Variants in UNC5D observed in about 807,000 individuals in gnomAD.
UNC5D encodes unc-5 netrin receptor D.
Under a neutral mutation model 105.4 loss-of-function variants are expected in UNC5D, and 39 were observed. The ratio of observed to expected loss-of-function variants is 0.37; its 90% CI spans 0.29 to 0.48. UNC5D has a LOEUF of 0.48. UNC5D is among the 20% of genes least tolerant of loss of function. The pLI, the probability that UNC5D is intolerant of heterozygous loss-of-function variation, is 0.98. For missense variants in UNC5D, 991 were observed against 1,202.4 expected (o/e 0.82, Z 2.60); for synonymous variants, 452 against 450.4 (o/e 1.00, Z -0.04).
chr8:35,748,956 AC>A (rs1200716986), intron 12 of UNC5D, among the ~76,000 whole-genome samples: 1 of 152,120 alleles, frequency 6.6e-6, no homozygotes, highest in Non-Finnish European at 1.5e-5. Flanking sequence ...ATCTACACCT[AC>A]ATACCTGCTC....
chr8:35,370,690 T>C (rs916627492), intron 1 of UNC5D, among the ~76,000 whole-genome samples: 1 of 152,188 alleles, frequency 6.6e-6, no homozygotes, highest in Non-Finnish European at 1.5e-5. Context: ...ATGAAAACCA[T>C]GCTGAGGCCA....
At chr8:35,558,321 G>C (rs1023736113) in intron 2 of UNC5D, among the ~76,000 whole-genome samples, 12 of 151,820 alleles carry the variant, frequency 7.9e-5, no homozygotes, top group African/African-American at 2.9e-4. Flanking sequence ...TTATGGTAGG[G>C]GACCTGTGGC....
intron 3 of UNC5D, among the ~76,000 whole-genome samples, chr8:35,575,089 TCTAA>T (rs766520357): frequency 9.2e-5 from 14 of 152,132 alleles, no homozygotes; most frequent in Non-Finnish European, 2.1e-4. Flanking sequence ...ATTCTAAGTG[TCTAA>T]CTGAGTTTTC....
At chr8:35,271,474 T>A (rs1805327140) in intron 1 of UNC5D, among the ~76,000 whole-genome samples, 1 of 143,188 alleles carries the variant, frequency 7.0e-6, no homozygotes, top group African/African-American at 2.5e-5. Context: ...GGTATACCTA[T>A]ATTTATACAG....
intron 1 of UNC5D, among the ~76,000 whole-genome samples, chr8:35,314,292 G>A (rs1410272735): frequency 6.6e-6 from 1 of 152,154 alleles, no homozygotes; most frequent in African/African-American, 2.4e-5. Context: ...ACATGAGTTT[G>A]ATCAAGTGGA....
At chr8:35,785,720 C>T (rs1169228048) in intron 16 of UNC5D, among the ~76,000 whole-genome samples, 2 of 152,132 alleles carry the variant, frequency 1.3e-5, no homozygotes, top group Non-Finnish European at 2.9e-5. Flanking sequence ...AACACACTCA[C>T]CCGTCCAAAC....
intron 4 of UNC5D, among the ~76,000 whole-genome samples, chr8:35,638,021 C>T (rs930891769): frequency 6.6e-6 from 1 of 152,128 alleles, no homozygotes; most frequent in Non-Finnish European, 1.5e-5. Context: ...ACTGAAAAAG[C>T]CTGTGGTGTG....
intron 1 of UNC5D, among the ~76,000 whole-genome samples, chr8:35,353,500 A>G (rs1182287985): frequency 6.6e-6 from 1 of 152,208 alleles, no homozygotes; most frequent in Non-Finnish European, 1.5e-5. Context: ...TATTTAAACT[A>G]TGAACCCACA....
intron 1 of UNC5D, among the ~76,000 whole-genome samples, chr8:35,512,153 T>C (rs1812753247): frequency 6.6e-6 from 1 of 152,020 alleles, no homozygotes; most frequent in Non-Finnish European, 1.5e-5. Context: ...TATACTACAG[T>C]AAAACACATT....
At chr8:35,579,890 C>T (rs1457359240) in intron 3 of UNC5D, among the ~76,000 whole-genome samples, 1 of 152,176 alleles carries the variant, frequency 6.6e-6, no homozygotes, top group Non-Finnish European at 1.5e-5. Context: ...GAGCAAGAGT[C>T]AACTCAAGGA....
intron 1 of UNC5D, among the ~76,000 whole-genome samples, chr8:35,349,160 A>C (rs1209655104): frequency 6.6e-6 from 1 of 151,912 alleles, no homozygotes; most frequent in Non-Finnish European, 1.5e-5. Flanking sequence ...TTGACAAAGG[A>C]AGGAGTTTTT....
intron 1 of UNC5D, among the ~76,000 whole-genome samples, chr8:35,400,183 T>C (rs2128949108): frequency 6.6e-6 from 1 of 152,258 alleles, no homozygotes; most frequent in Non-Finnish European, 1.5e-5. Context: ...GCTTGGGAGA[T>C]AATACATGTC....
chr8:35,249,010 AT>A, intron 1 of UNC5D, among the ~76,000 whole-genome samples: 1 of 61,254 alleles, frequency 1.6e-5, no homozygotes, highest in African/African-American at 5.0e-5. Context: ...AACATATATA[AT>A]ATATATTATA....
chr8:35,290,257 A>C (rs370434248), intron 1 of UNC5D, among the ~76,000 whole-genome samples: 2 of 152,224 alleles, frequency 1.3e-5, no homozygotes, highest in African/African-American at 4.8e-5. Flanking sequence ...AGCATCCATC[A>C]GTGGATGAAT....
rs1281900246 is a variant in UNC5D, at chr8:35,719,139, T to TACAC, written c.1118-3070_1118-3069insCACA. Among the ~76,000 whole-genome samples, 14 of 67,366 alleles carry TACAC rather than the reference T, an allele frequency of 2.1e-4. No homozygotes were observed. The South Asian group carries it at 6.2e-3, about 30-fold the overall frequency. 44.2% of individuals were successfully genotyped at this position (67,366 alleles called of 152,430 possible). Reference sequence around the variant, plus strand: ...GGCACTGCTTACATGCACATGTGCTTATACACACACACACACACACACACA... The same window carrying TACAC: ...GGCACTGCTTACATGCACATGTGCTTACACATACACACACACACACACACACACA... On this transcript the variant is annotated intron_variant, in intron 8 of 16. Transcript: ENST00000404895.
intron 8 of UNC5D, among the ~76,000 whole-genome samples, chr8:35,719,551 G>A (rs1392534249): frequency 1.3e-5 from 2 of 152,154 alleles, no homozygotes; most frequent in Non-Finnish European, 2.9e-5. Context: ...GTATACCTCT[G>A]TGGCTGCACT....
At chr8:35,342,040 T>G (rs1449691931) in intron 1 of UNC5D, among the ~76,000 whole-genome samples, 8 of 152,144 alleles carry the variant, frequency 5.3e-5, no homozygotes, top group Non-Finnish European at 1.5e-5. Context: ...GTAACAATCT[T>G]ATAACATCTG....
chr8:35,465,964 G>A (rs191405952), intron 1 of UNC5D, among the ~76,000 whole-genome samples: 178 of 152,230 alleles, frequency 1.2e-3, no homozygotes, highest in African/African-American at 4.2e-3. Flanking sequence ...CCTGGAAAAG[G>A]CAAGGAAATA....
rs952227888 is a variant in UNC5D, at chr8:35,599,850, G to A, written c.570+4193G>A. On this transcript the variant is annotated intron_variant, in intron 4 of 16. Transcript: ENST00000404895. ...AAGTTTTAGGGTACATGTGCACAACGTGCAGGTTAGTTACATAAGTATACA... is the reference window on the plus strand; with the variant it reads ...AAGTTTTAGGGTACATGTGCACAACATGCAGGTTAGTTACATAAGTATACA... Among the ~76,000 whole-genome samples the A allele has an allele frequency of 3.3e-5, 5 of 151,988 alleles. 1 individual carries two copies. The highest frequency in any genetic ancestry group is 4.8e-5 in the African/African-American group (2 of 41,460).
Sources: gnomAD v4.1 joint callset for allele counts (sites outside exome capture counted in the v4.1 genomes callset) on GRCh38, gnomAD v4.1.1 for gene constraint, MANE v1.5 for transcripts, NCBI Gene and HGNC (gene_info 2026-07-23, HGNC 2026-07-21) for gene names.